SLC1A2: variants seen among roughly 807,000 people sequenced by gnomAD.
SLC1A2 encodes the protein excitatory amino acid transporter 2.
Under a neutral mutation model 48.8 loss-of-function variants are expected in SLC1A2, and 15 were observed. The ratio of observed to expected loss-of-function variants is 0.31; its 90% CI spans 0.21 to 0.47. The LOEUF (loss-of-function observed/expected upper bound fraction) is 0.47. SLC1A2 is among the 20% of genes least tolerant of loss of function. The probability of loss-of-function intolerance (pLI) is 0.99; values close to 1 mark genes in which losing one functional copy is unlikely to be tolerated. For missense variants in SLC1A2, 502 were observed against 730.5 expected, an observed-to-expected ratio of 0.69 and a Z score of 3.61; for synonymous variants, 279 against 272.6, an observed-to-expected ratio of 1.02 and a Z score of -0.23.
intron 1 of SLC1A2, among the ~76,000 whole-genome samples, chr11:35,360,460 C>G (rs564498859): frequency 1.3e-5 from 2 of 152,184 alleles, no homozygotes; most frequent in African/African-American, 4.8e-5. Flanking sequence ...ACCTTCACTT[C>G]TCTAACACCA....
intron 1 of SLC1A2, among the ~76,000 whole-genome samples, chr11:35,354,430 A>C (rs991514299): frequency 1.3e-4 from 20 of 152,138 alleles, no homozygotes; most frequent in African/African-American, 4.3e-4. Context: ...TACTGTACCC[A>C]GCCTATGTGA....
In SLC1A2 at chr11:35,252,493, C is replaced by T. The variant is rs1248668158; in HGVS notation, c.*8401G>A. ...ATGTATTAAACAGACATGAGATGAC[C>T]TTTCACTAAGAACCAGGACACACAC... On this transcript the variant is annotated 3_prime_UTR_variant, in exon 11 of 11. Transcript: ENST00000278379. The T allele has an allele frequency of 1.3e-5, 2 of 152,138 alleles. No homozygotes were observed. Among genetic ancestry groups the T allele is most frequent in the Non-Finnish European group, 2.9e-5 (2 of 68,028 alleles). 9.4% of individuals were successfully genotyped at this position (152,138 alleles called of 1,614,324 possible).
chr11:35,317,185 C>A, intron 2 of SLC1A2, 192 bp downstream of exon 2: 1 of 560,820 alleles, frequency 1.8e-6, no homozygotes. Flanking sequence ...CTACTAGAAT[C>A]CAAAGGAGAA....
At chr11:35,418,601 GC>G in intron 1 of SLC1A2, 1 of 228,090 alleles carries the variant, frequency 4.4e-6, no homozygotes, top group Non-Finnish European at 8.5e-6. Flanking sequence ...CGCTCCAGGC[GC>G]TGCTACCCCG....
chr11:35,377,657 AT>A (rs1211707520), intron 1 of SLC1A2, among the ~76,000 whole-genome samples: 1 of 152,192 alleles, frequency 6.6e-6, no homozygotes, highest in Non-Finnish European at 1.5e-5. Flanking sequence ...ATGAAAAAAA[AT>A]CATCAAGTAG....
Position 35,380,394 on chromosome 11 carries a change from G to A in SLC1A2, c.17+38556C>T, listed in dbSNP as rs1262572615. 7.5e-6 allele frequency: 3 copies of A among 398,466 alleles called. No homozygotes were observed. In the Admixed American group the frequency reaches 1.3e-4, roughly 18 times the overall value. 24.7% of individuals were successfully genotyped at this position (398,466 alleles called of 1,614,324 possible). A position where few individuals can be genotyped will look rare whatever the true frequency, so the allele number is the denominator to read the frequency against. ...GTGAGCACTAACCTTCTCCAAATGT[G>A]GTCCTTGGGCCTCTTCATGGATGCA... is the stretch of plus-strand genomic sequence containing the variant. On this transcript the variant is annotated intron_variant, in intron 1 of 10. Coordinates refer to ENST00000278379, the MANE Select transcript of SLC1A2 (RefSeq NM_004171.4).
At chr11:35,402,201 CT>C (rs1161760946) in intron 1 of SLC1A2, among the ~76,000 whole-genome samples, 2 of 152,156 alleles carry the variant, frequency 1.3e-5, no homozygotes, top group African/African-American at 4.8e-5. Context: ...CCCTAGATAG[CT>C]TCAGGATGGG....
Position 35,253,889 on chromosome 11 carries a change from T to C in SLC1A2, c.*7005A>G, listed in dbSNP as rs1950276132. 6.6e-6 allele frequency: 1 copy of C among 152,646 alleles called. No homozygotes were observed. Among genetic ancestry groups the C allele is most frequent in the African/African-American group, 2.4e-5 (1 of 41,466 alleles). The allele number at this position is 152,646 out of a possible 1,614,324, so 9.5% of individuals were successfully genotyped here. A position where few individuals can be genotyped will look rare whatever the true frequency, so the allele number is the denominator to read the frequency against. Reference sequence around the variant, plus strand: ...TGAGTTCTTTATAATTTCTGAAGAATAGTTACAAACCTATAACATTATTAA... The same window carrying C: ...TGAGTTCTTTATAATTTCTGAAGAACAGTTACAAACCTATAACATTATTAA... On this transcript the variant is annotated 3_prime_UTR_variant, in exon 11 of 11. Transcript: ENST00000278379.
rs774356498 is a variant in SLC1A2 at position 35,306,219 on chromosome 11, G to T, written c.585C>A (p.Val195=). 6.2e-7 allele frequency: 1 copy of T among 1,613,636 alleles called. No individual in the cohort carries two copies. Among genetic ancestry groups the T allele is most frequent in the Non-Finnish European group, 8.5e-7 (1 of 1,179,818 alleles). The change falls in exon 5 of 11, where the codon GTC becomes GTA. Residue 195 remains valine, a synonymous_variant. Coordinates refer to ENST00000278379, the MANE Select transcript of SLC1A2 (RefSeq NM_004171.4). The part of the protein sequence containing the change: ...FQQIQTVTKK[V]LVAPPPDEEA... Reference sequence around the variant, plus strand: ...CCTCGTCCGGCGGTGGTGCAACCAGGACTTTCTTCGTCACTGTTTGAATCT... The same window carrying T: ...CCTCGTCCGGCGGTGGTGCAACCAGTACTTTCTTCGTCACTGTTTGAATCT...
Position 35,315,125 on chromosome 11 carries a change from T to C in SLC1A2, c.208A>G (p.Ile70Val), listed in dbSNP as rs148824240. 6.2e-7 allele frequency: 1 copy of C among 1,613,070 alleles called. No individual in the cohort carries two copies. Among genetic ancestry groups the C allele is most frequent in the Non-Finnish European group, 8.5e-7 (1 of 1,179,092 alleles). Reference protein sequence around the residue: ...CGGLLRLASPIHPDVVMLIAF... With the variant: ...CGGLLRLASPVHPDVVMLIAF... ...ATTAACATAACCACATCAGGGTGGA[T>C]GGGAGATGCCAAGCGAAGAAGCCCT... Residue 70 changes from isoleucine to valine, a missense_variant, in exon 3 of 11, where the codon ATC becomes GTC. Physicochemically the swap from Ile to Val is conservative, Grantham distance 29. Around this residue, in one of 4 missense-constraint regions of SLC1A2, gnomAD observed 89 missense variants for 119.7 expected, o/e 0.74. Transcript: ENST00000278379.
At chr11:35,412,790 A>G (rs1371533302) in intron 1 of SLC1A2, among the ~76,000 whole-genome samples, 1 of 152,232 alleles carries the variant, frequency 6.6e-6, no homozygotes, top group East Asian at 1.9e-4. Flanking sequence ...TACAAAGCAC[A>G]TACCCAAGGC....
intron 8 of SLC1A2, among the ~76,000 whole-genome samples, chr11:35,284,583 A>AT (rs1285047630): frequency 6.6e-6 from 1 of 150,546 alleles, no homozygotes; most frequent in Non-Finnish European, 1.5e-5. Flanking sequence ...AACATGGTGA[A>AT]TTTTTTCTTT....
chr11:35,371,060 T>C, intron 1 of SLC1A2: 3 of 985,104 alleles, frequency 3.0e-6, no homozygotes, highest in Non-Finnish European at 3.6e-6. Context: ...AGACAATGGG[T>C]GGAGTTGACT....
At chr11:35,403,205 T>C (rs1011525589) in intron 1 of SLC1A2, among the ~76,000 whole-genome samples, 43 of 152,248 alleles carry the variant, frequency 2.8e-4, no homozygotes, top group Non-Finnish European at 8.8e-5. Context: ...GATATTGTCC[T>C]TATTTAAAAG....
intron 1 of SLC1A2, among the ~76,000 whole-genome samples, chr11:35,412,592 C>A (rs944927990): frequency 1.3e-5 from 2 of 152,184 alleles, no homozygotes; most frequent in Non-Finnish European, 2.9e-5. Flanking sequence ...ATTCAAAAGG[C>A]ATCCTTAGCT....
intron 5 of SLC1A2, 84 bp downstream of exon 5, chr11:35,305,990 G>C: frequency 7.8e-7 from 1 of 1,280,662 alleles, no homozygotes; most frequent in Non-Finnish European, 1.1e-6. Flanking sequence ...GAGGACAGCT[G>C]AGTCATCAGT....
At chr11:35,290,620 T>G (rs891563451) in intron 7 of SLC1A2, among the ~76,000 whole-genome samples, 2 of 151,720 alleles carry the variant, frequency 1.3e-5, no homozygotes, top group Non-Finnish European at 2.9e-5. Context: ...AAATTTTATT[T>G]TATTTTTGTT....
intron 1 of SLC1A2, among the ~76,000 whole-genome samples, chr11:35,405,987 A>G (rs1187615733): frequency 6.6e-6 from 1 of 152,254 alleles, no homozygotes; most frequent in Non-Finnish European, 1.5e-5. Flanking sequence ...ATTCAATTAT[A>G]CTAACATTCA....
At chr11:35,388,486 C>G (rs1185231645) in intron 1 of SLC1A2, among the ~76,000 whole-genome samples, 1 of 152,210 alleles carries the variant, frequency 6.6e-6, no homozygotes, top group African/African-American at 2.4e-5. Context: ...CCTTGACCTC[C>G]CAGGCTCAAG....
Sources: allele counts gnomAD v4.1 joint callset (sites outside exome capture counted in the v4.1 genomes callset), GRCh38; gene constraint gnomAD v4.1.1; regional missense constraint gnomAD v4.1.1; transcripts MANE v1.5; gene names NCBI Gene and HGNC (gene_info 2026-07-23, HGNC 2026-07-21).